Variants in TTLL5 observed in about 807,000 individuals in gnomAD.
TTLL5 encodes tubulin tyrosine ligase like 5.
In TTLL5, 132 loss-of-function variants were observed where a neutral mutation model predicts 168.4. That is an observed-to-expected ratio of 0.78 (90% CI 0.68 to 0.91). TTLL5 has a LOEUF of 0.91. TTLL5 is among the 40% of genes least tolerant of loss of function. The probability of loss-of-function intolerance (pLI) is 0.00; values close to 1 mark genes in which losing one functional copy is unlikely to be tolerated. For synonymous variants in TTLL5, 546 were observed against 558.6 expected (o/e 0.98, Z 0.32); for missense variants, 1,545 against 1,581.5 (o/e 0.98, Z 0.39).
At chr14:75,805,580 G>A (rs987036366) in intron 27 of TTLL5, among the ~76,000 whole-genome samples, 1 of 152,098 alleles carries the variant, frequency 6.6e-6, no homozygotes, top group Non-Finnish European at 1.5e-5. Context: ...TATATCTTTA[G>A]TTTGAGCCTT....
chr14:75,694,534 A>G (rs1488924193), intron 6 of TTLL5, among the ~76,000 whole-genome samples: 2 of 152,100 alleles, frequency 1.3e-5, no homozygotes. Flanking sequence ...GGGTTTCACC[A>G]TGTTGGCCAG....
chr14:75,884,650 G>C (rs896284869), intron 30 of TTLL5, among the ~76,000 whole-genome samples: 9 of 152,204 alleles, frequency 5.9e-5, no homozygotes, highest in African/African-American at 2.4e-5. Flanking sequence ...CGTTGTTCCA[G>C]GAAATAGTTT....
At chr14:75,750,505 T>A (rs555968495) in intron 17 of TTLL5, among the ~76,000 whole-genome samples, 16 of 151,580 alleles carry the variant, frequency 1.1e-4, no homozygotes, top group Non-Finnish European at 2.1e-4. Context: ...ATTTTCTTAA[T>A]ACATTTTATT....
chr14:75,691,516 C>T (rs1885460049), intron 6 of TTLL5, among the ~76,000 whole-genome samples: 1 of 152,182 alleles, frequency 6.6e-6, no homozygotes, highest in East Asian at 1.9e-4. Flanking sequence ...AGAAACTTTC[C>T]ATGAGTTATG....
intron 26 of TTLL5, among the ~76,000 whole-genome samples, chr14:75,790,256 C>T (rs1056313848): frequency 2.0e-5 from 3 of 152,052 alleles, no homozygotes; most frequent in African/African-American, 7.2e-5. Context: ...TCATTAAGAA[C>T]TTGTGGTATG....
intron 9 of TTLL5, among the ~76,000 whole-genome samples, chr14:75,715,549 A>G (rs536854451): frequency 6.6e-6 from 1 of 152,280 alleles, no homozygotes; most frequent in African/African-American, 2.4e-5. Context: ...TTACTGGGGT[A>G]GGAGGAAAGA....
rs2035056473 is a variant in TTLL5 at position 75,954,528 on chromosome 14, G to A, written c.*82G>A. ...TGAAGCATCCACCAGCACTTCAAGG[G>A]GTCCATAGTATTTTTTTTTTTGCTG... On this transcript the variant is annotated 3_prime_UTR_variant, in exon 32 of 32. Transcript: ENST00000298832. 2.0e-6 allele frequency: 3 copies of A among 1,527,662 alleles called. No homozygotes were observed. The highest frequency in any genetic ancestry group is 2.7e-6 in the Non-Finnish European group (3 of 1,113,494). 94.6% of individuals were successfully genotyped at this position (1,527,662 alleles called of 1,614,324 possible). A position where few individuals can be genotyped will look rare whatever the true frequency, so the allele number is the denominator to read the frequency against.
chr14:75,786,160 A>G (rs1892349824), intron 26 of TTLL5, among the ~76,000 whole-genome samples: 1 of 152,178 alleles, frequency 6.6e-6, no homozygotes, highest in Admixed American at 6.5e-5. Flanking sequence ...ACATATGTAT[A>G]TATCTGCTAA....
chr14:75,912,455 G>T (rs1200651770), intron 31 of TTLL5, among the ~76,000 whole-genome samples: 2 of 152,130 alleles, frequency 1.3e-5, no homozygotes, highest in Non-Finnish European at 2.9e-5. Flanking sequence ...CCAGCATAGG[G>T]TCTTAAAATA....
intron 21 of TTLL5, among the ~76,000 whole-genome samples, chr14:75,773,757 G>C (rs1278684092): frequency 6.6e-6 from 1 of 151,340 alleles, no homozygotes; most frequent in Admixed American, 6.6e-5. Context: ...GGGTGTGGTA[G>C]TGCGCACCTA....
At chr14:75,785,364 G>A (rs149995946) in intron 26 of TTLL5, among the ~76,000 whole-genome samples, 6 of 152,072 alleles carry the variant, frequency 3.9e-5, no homozygotes, top group African/African-American at 1.4e-4. Flanking sequence ...AGTTTTAGTA[G>A]AGGTGGGGTT....
rs779227750 is a variant in TTLL5 at position 75,757,829 on chromosome 14, A to G, written c.1550+4874A>G. The G allele has an allele frequency of 3.1e-6, 5 of 1,591,462 alleles. No individual in the cohort carries two copies. The African/African-American group carries it at 5.4e-5, about 17-fold the overall frequency. On this transcript the variant is annotated intron_variant, in intron 18 of 31. Transcript: ENST00000298832. ...ACCCGGTTGTCCTTTCTGCTTCTGT[A>G]GGGGAAACCCAAGAAGAAGCTTATT... is the stretch of plus-strand genomic sequence containing the variant.
chr14:75,929,049 C>G lies in TTLL5; in HGVS notation c.3824-25375C>G, dbSNP rs2034184767. ...TGGCCACGGAGCAGCTGACATACTTCCAGAGAGATCATCTTGTCATTGTAC... is the reference window on the plus strand; with the variant it reads ...TGGCCACGGAGCAGCTGACATACTTGCAGAGAGATCATCTTGTCATTGTAC... On this transcript the variant is annotated intron_variant, in intron 31 of 31. Transcript: ENST00000298832. 2.3e-5 allele frequency among the ~76,000 whole-genome samples: 3 copies of G among 132,020 alleles called. No individual in the cohort carries two copies. The Admixed American group carries it at 2.5e-4, about 11-fold the overall frequency. 86.6% of individuals were successfully genotyped at this position (132,020 alleles called of 152,430 possible).
chr14:75,905,441 G>A (rs2033104024), intron 31 of TTLL5, among the ~76,000 whole-genome samples: 1 of 152,198 alleles, frequency 6.6e-6, no homozygotes, highest in South Asian at 2.1e-4. Flanking sequence ...GTGGCTTAAT[G>A]GCATTCTTGG....
intron 5 of TTLL5, among the ~76,000 whole-genome samples, chr14:75,688,891 T>C (rs1185136939): frequency 6.6e-6 from 1 of 152,194 alleles, no homozygotes; most frequent in Non-Finnish European, 1.5e-5. Context: ...CATTTGGCAG[T>C]TCATTATAAA....
At chr14:75,829,455 TAAGG>T (rs1381835489) in intron 28 of TTLL5, among the ~76,000 whole-genome samples, 4 of 151,878 alleles carry the variant, frequency 2.6e-5, no homozygotes, top group East Asian at 3.9e-4. Context: ...GAGAAAATCA[TAAGG>T]AAGAGAAATA....
At chr14:75,941,391 T>C (rs1301830579) in intron 31 of TTLL5, 1 of 152,216 alleles carries the variant, frequency 6.6e-6, no homozygotes, top group Non-Finnish European at 1.5e-5. Flanking sequence ...TATAAATAAA[T>C]TGATTCATTC....
intron 28 of TTLL5, among the ~76,000 whole-genome samples, chr14:75,832,291 T>G (rs79776415): frequency 6.6e-6 from 1 of 152,328 alleles, no homozygotes; most frequent in African/African-American, 2.4e-5. Context: ...GCCTCTGTGC[T>G]TTCCCTGCCT....
intron 5 of TTLL5, among the ~76,000 whole-genome samples, chr14:75,685,975 G>A (rs1046280225): frequency 6.6e-6 from 1 of 152,116 alleles, no homozygotes; most frequent in Non-Finnish European, 1.5e-5. Flanking sequence ...CATTTTTTAG[G>A]AAGTTCTCTA....
Sources: allele counts gnomAD v4.1 joint callset (sites outside exome capture counted in the v4.1 genomes callset), GRCh38; gene constraint gnomAD v4.1.1; transcripts MANE v1.5; gene names NCBI Gene and HGNC (gene_info 2026-07-23, HGNC 2026-07-21).